Variants in SSH2 observed in about 807,000 individuals in gnomAD.
SSH2 encodes the protein slingshot protein phosphatase 2.
SSH2 carries 37 observed loss-of-function variants against 135.2 expected under a neutral mutation model. The ratio of observed to expected loss-of-function variants is 0.27; its 90% CI spans 0.21 to 0.36. The LOEUF (loss-of-function observed/expected upper bound fraction) is 0.36, where lower values mean the gene tolerates loss of function less well. Ranked by LOEUF, SSH2 falls within the 10% of genes least tolerant of loss-of-function variation. The pLI is 1.00. For synonymous variants in SSH2, 628 were observed against 646.2 expected, an observed-to-expected ratio of 0.97 and a Z score of 0.43; for missense variants, 1,408 against 1,765.3, an observed-to-expected ratio of 0.80 and a Z score of 3.63.
chr17:29,779,102 G>A (rs986694387), intron 3 of SSH2, among the ~76,000 whole-genome samples: 9 of 151,578 alleles, frequency 5.9e-5, no homozygotes, highest in East Asian at 3.9e-4. Context: ...TTTTTCTAAC[G>A]GAAGGAAGGA....
chr17:29,844,495 G>A (rs1298147662), intron 2 of SSH2, among the ~76,000 whole-genome samples: 1 of 152,114 alleles, frequency 6.6e-6, no homozygotes, highest in African/African-American at 2.4e-5. Context: ...TACAGGAGAG[G>A]GAAATGAAGA....
intron 1 of SSH2, chr17:29,855,888 G>A (rs918086877): frequency 1.8e-5 from 4 of 220,442 alleles, no homozygotes; most frequent in Non-Finnish European, 3.6e-5. Context: ...ATCAATGTAG[G>A]ATGCATTCTC....
intron 1 of SSH2, among the ~76,000 whole-genome samples, chr17:29,858,180 T>G (rs531472774): frequency 2.0e-5 from 3 of 152,352 alleles, no homozygotes; most frequent in Admixed American, 6.5e-5. Flanking sequence ...TGCAGAGATA[T>G]CCCATGATTC....
intron 3 of SSH2, among the ~76,000 whole-genome samples, chr17:29,774,683 T>C (rs1016151908): frequency 6.6e-6 from 1 of 152,240 alleles, no homozygotes; most frequent in Non-Finnish European, 1.5e-5. Context: ...TTGGTTCTTA[T>C]ATATATGCTG....
chr17:29,765,955 T>C (rs1232732708), intron 3 of SSH2, among the ~76,000 whole-genome samples: 1 of 143,918 alleles, frequency 6.9e-6, no homozygotes, highest in African/African-American at 2.6e-5. Flanking sequence ...GGGAGGCGGA[T>C]GTTGCAGTGA....
intron 1 of SSH2, among the ~76,000 whole-genome samples, chr17:29,912,198 C>T (rs2066777974): frequency 1.3e-5 from 2 of 152,060 alleles, no homozygotes; most frequent in Admixed American, 6.6e-5. Context: ...GCTACAATAG[C>T]CATCTTTTAT....
Position 29,883,303 on chromosome 17 carries a change from T to G in SSH2, c.64-34374A>C, listed in dbSNP as rs140144007. ...GGTTATATCTTTGTAATTCACACAT[T>G]TTCCAAATCCTATGTTAGGTGTCAT... On this transcript the variant is annotated intron_variant, in intron 1 of 15. Transcript: ENST00000540801. 7.4e-3 allele frequency among the ~76,000 whole-genome samples: 1,131 copies of G among 152,250 alleles called. 11 individuals are homozygous for G. Among genetic ancestry groups the G allele is most frequent in the African/African-American group, 0.022 (928 of 41,540 alleles).
At chr17:29,753,668 CA>C (rs1323935342) in intron 3 of SSH2, among the ~76,000 whole-genome samples, 1 of 151,356 alleles carries the variant, frequency 6.6e-6, no homozygotes, top group Non-Finnish European at 1.5e-5. Flanking sequence ...TGGTGGCGGG[CA>C]CCTGTAATCC....
At chr17:29,724,201 T>A (rs1223532790) in intron 3 of SSH2, among the ~76,000 whole-genome samples, 1 of 152,182 alleles carries the variant, frequency 6.6e-6, no homozygotes, top group Non-Finnish European at 1.5e-5. Flanking sequence ...TCTGTACTCA[T>A]ATAATCTAAC....
At chr17:29,780,538 C>T (rs2041817666) in intron 3 of SSH2, 1 of 151,444 alleles carries the variant, frequency 6.6e-6, no homozygotes, top group Non-Finnish European at 1.5e-5. Context: ...GATTCTCCTG[C>T]CTCAGCTTCC....
intron 12 of SSH2, among the ~76,000 whole-genome samples, chr17:29,651,288 C>T (rs2036568269): frequency 6.6e-6 from 1 of 152,144 alleles, no homozygotes; most frequent in African/African-American, 2.4e-5. Context: ...TTTCTAAATG[C>T]CAGATTGTTA....
chr17:29,674,004 C>T, intron 8 of SSH2: 1 of 438,228 alleles, frequency 2.3e-6, no homozygotes, highest in South Asian at 1.6e-5. Context: ...TCCATGTTTA[C>T]AAACTTAGAG....
At chr17:29,775,027 T>C (rs928728880) in intron 3 of SSH2, among the ~76,000 whole-genome samples, 2 of 152,126 alleles carry the variant, frequency 1.3e-5, no homozygotes, top group African/African-American at 4.8e-5. Flanking sequence ...CCTAGCTGGA[T>C]TGCAGAGTTA....
intron 3 of SSH2, among the ~76,000 whole-genome samples, chr17:29,709,750 C>T (rs2151143468): frequency 6.6e-6 from 1 of 152,230 alleles, no homozygotes; most frequent in Non-Finnish European, 1.5e-5. Flanking sequence ...TTCTCATTTT[C>T]CCCACCACTT....
At chr17:29,657,467 C>T (rs2036830582) in intron 11 of SSH2, among the ~76,000 whole-genome samples, 1 of 150,290 alleles carries the variant, frequency 6.7e-6, no homozygotes. Flanking sequence ...CGAGATTTCA[C>T]CATGTTGGTC....
intron 1 of SSH2, among the ~76,000 whole-genome samples, chr17:29,866,438 C>A (rs2065857455): frequency 6.6e-6 from 1 of 152,180 alleles, no homozygotes; most frequent in South Asian, 2.1e-4. Flanking sequence ...GTGCAAAATG[C>A]ACACCAAGTT....
intron 3 of SSH2, among the ~76,000 whole-genome samples, chr17:29,747,654 A>G (rs1309244385): frequency 2.0e-5 from 3 of 152,268 alleles, no homozygotes; most frequent in Non-Finnish European, 2.9e-5. Flanking sequence ...ATGCAAAGCT[A>G]ACTCTAACCC....
chr17:29,714,675 AC>A (rs2039554405), intron 3 of SSH2, among the ~76,000 whole-genome samples: 1 of 152,016 alleles, frequency 6.6e-6, no homozygotes, highest in Non-Finnish European at 1.5e-5. Flanking sequence ...GTCTTCAAAG[AC>A]CTTTACTCCT....
chr17:29,894,629 G>C (rs1567637048), intron 1 of SSH2, among the ~76,000 whole-genome samples: 1 of 151,732 alleles, frequency 6.6e-6, no homozygotes. Context: ...TCCACAGTTG[G>C]TTGAATCTGC....
Sources: allele counts gnomAD v4.1 joint callset (sites outside exome capture counted in the v4.1 genomes callset), GRCh38; gene constraint gnomAD v4.1.1; transcripts MANE v1.5; gene names NCBI Gene and HGNC (gene_info 2026-07-23, HGNC 2026-07-21).